Variants in PLXDC2 observed in about 807,000 individuals in gnomAD.
PLXDC2 encodes plexin domain-containing protein 2.
Under a neutral mutation model 68.9 loss-of-function variants are expected in PLXDC2, and 40 were observed. The ratio of observed to expected loss-of-function variants is 0.58; its 90% CI spans 0.45 to 0.76. The LOEUF is 0.76. PLXDC2 is among the 30% of genes least tolerant of loss of function. PLXDC2 has a pLI of 0.00. For missense variants in PLXDC2, 644 were observed against 661.9 expected (o/e 0.97, Z 0.30); for synonymous variants, 243 against 234.2 (o/e 1.04, Z -0.34).
intron 4 of PLXDC2, among the ~76,000 whole-genome samples, chr10:20,115,272 A>G (rs1833606985): frequency 6.6e-6 from 1 of 152,188 alleles, no homozygotes; most frequent in African/African-American, 2.4e-5. Flanking sequence ...GGTATTTGCA[A>G]CCTTGACTCA....
At chr10:20,068,296 A>G in intron 4 of PLXDC2, 57 bp downstream of exon 4, 5 of 1,367,884 alleles carry the variant, frequency 3.7e-6, no homozygotes, top group South Asian at 1.2e-5. Flanking sequence ...TGCAGTTATT[A>G]TTTTTAAGTT....
Position 19,967,651 on chromosome 10 carries a change from A to G in PLXDC2, c.113-34124A>G, listed in dbSNP as rs373426951. Among the ~76,000 whole-genome samples the G allele has an allele frequency of 1.4e-4, 22 of 152,362 alleles. No individual in the cohort carries two copies. In the East Asian group the frequency reaches 2.7e-3, roughly 19 times the overall value. ...TTAAAATCAGCTGAAGATTCCAGGT[A>G]CAAATGAGCGATGTTACAGCATACT... is the stretch of plus-strand genomic sequence containing the variant. On this transcript the variant is annotated intron_variant, in intron 1 of 13. Coordinates refer to ENST00000377252, the MANE Select transcript of PLXDC2 (RefSeq NM_032812.9).
intron 9 of PLXDC2, among the ~76,000 whole-genome samples, chr10:20,200,667 C>T (rs924313635): frequency 5.9e-5 from 9 of 152,062 alleles, no homozygotes; most frequent in African/African-American, 1.2e-4. Flanking sequence ...GAAACTCAAA[C>T]ATCCGAACAG....
chr10:20,189,476 C>CATATATATATATAT (rs59999548), intron 9 of PLXDC2, among the ~76,000 whole-genome samples: 3,530 of 75,336 alleles, frequency 0.047, 135 homozygotes, highest in East Asian at 0.061. Context: ...AAAGGTAGGC[C>CATATATATATATAT]ATATATATAT....
At position 20,208,436 on chromosome 10, in the gene PLXDC2, A is replaced by G. The variant is rs1244650838; in HGVS notation, c.1062-3233A>G. Reference sequence around the variant, plus strand: ...TGGGGGAAACTGCCCCTATGATTAGATTATCTCCCACTGGGTCCCTCCCAC... The same window carrying G: ...TGGGGGAAACTGCCCCTATGATTAGGTTATCTCCCACTGGGTCCCTCCCAC... On this transcript the variant is annotated intron_variant, in intron 9 of 13. Coordinates refer to ENST00000377252, the MANE Select transcript of PLXDC2 (RefSeq NM_032812.9). Among the ~76,000 whole-genome samples, 4 of 142,430 alleles carry G rather than the reference A, an allele frequency of 2.8e-5. 1 individual carries two copies. The highest frequency in any genetic ancestry group is 2.0e-4 in the Admixed American group (3 of 14,640). The allele number at this position is 142,430 out of a possible 152,430, so 93.4% of individuals were successfully genotyped here.
intron 1 of PLXDC2, among the ~76,000 whole-genome samples, chr10:19,965,804 G>T (rs11011706): frequency 0.091 from 13,858 of 151,822 alleles, 683 homozygotes; most frequent in East Asian, 0.13. Context: ...CTCTGGCATG[G>T]CCTCAAACAG....
intron 12 of PLXDC2, among the ~76,000 whole-genome samples, chr10:20,231,956 G>C (rs1455395053): frequency 6.6e-6 from 1 of 151,018 alleles, no homozygotes. Flanking sequence ...AGACTGACTT[G>C]ATCACCTCAC....
intron 4 of PLXDC2, among the ~76,000 whole-genome samples, chr10:20,080,005 A>G (rs756229171): frequency 1.3e-5 from 2 of 152,228 alleles, no homozygotes; most frequent in Non-Finnish European, 2.9e-5. Context: ...TAAAACACAT[A>G]TGACAGTGAA....
intron 4 of PLXDC2, among the ~76,000 whole-genome samples, chr10:20,095,862 AGATGAGAT>A (rs1833342555): frequency 6.6e-6 from 1 of 152,214 alleles, no homozygotes; most frequent in Non-Finnish European, 1.5e-5. Context: ...ATGTTTCTGA[AGATGAGAT>A]GACTTATTAA....
At chr10:19,834,349 G>C (rs1007028939) in intron 1 of PLXDC2, among the ~76,000 whole-genome samples, 6 of 149,980 alleles carry the variant, frequency 4.0e-5, no homozygotes, top group Non-Finnish European at 5.9e-5. Flanking sequence ...GAGAGAGAGA[G>C]AGAGAGTGTG....
chr10:19,916,890 C>T (rs1833377566), intron 1 of PLXDC2, among the ~76,000 whole-genome samples: 1 of 152,098 alleles, frequency 6.6e-6, no homozygotes, highest in African/African-American at 2.4e-5. Flanking sequence ...AGCAAAATTC[C>T]ATGTGTATGC....
At chr10:20,136,780 C>T (rs2131782278) in intron 4 of PLXDC2, among the ~76,000 whole-genome samples, 1 of 152,316 alleles carries the variant, frequency 6.6e-6, no homozygotes, top group Middle Eastern at 3.4e-3. Flanking sequence ...TCCAACCTTT[C>T]CTTTTGGGTC....
intron 1 of PLXDC2, among the ~76,000 whole-genome samples, chr10:19,827,425 C>T (rs1836593586): frequency 1.3e-5 from 2 of 152,162 alleles, no homozygotes; most frequent in Admixed American, 1.3e-4. Flanking sequence ...CTTTTGATTG[C>T]AATCTTATGA....
At chr10:19,832,952 G>C (rs1431845428) in intron 1 of PLXDC2, among the ~76,000 whole-genome samples, 3 of 152,122 alleles carry the variant, frequency 2.0e-5, no homozygotes. Context: ...ATTAACTCTC[G>C]AACCTCCATT....
In PLXDC2 at chr10:19,936,723, T is replaced by C. The variant is rs547019054; in HGVS notation, c.113-65052T>C. On this transcript the variant is annotated intron_variant, in intron 1 of 13. Coordinates refer to ENST00000377252, the MANE Select transcript of PLXDC2 (RefSeq NM_032812.9). Reference sequence around the variant, plus strand: ...GGTGGAGTATTTACGCCAAGGAAATTGTCAAATGTCACAAATTATGTGCCT... The same window carrying C: ...GGTGGAGTATTTACGCCAAGGAAATCGTCAAATGTCACAAATTATGTGCCT... 2.2e-3 allele frequency among the ~76,000 whole-genome samples: 334 copies of C among 152,300 alleles called. 3 individuals carry two copies. Among genetic ancestry groups the C allele is most frequent in the Non-Finnish European group, 3.5e-3 (241 of 68,028 alleles).
chr10:20,159,706 T>C (rs1834265905), intron 6 of PLXDC2, among the ~76,000 whole-genome samples: 1 of 152,188 alleles, frequency 6.6e-6, no homozygotes, highest in Non-Finnish European at 1.5e-5. Flanking sequence ...CCACCTCCCA[T>C]CACCTTTGAC....
At chr10:19,899,325 A>C (rs1249337229) in intron 1 of PLXDC2, among the ~76,000 whole-genome samples, 4 of 152,184 alleles carry the variant, frequency 2.6e-5, no homozygotes, top group Admixed American at 6.5e-5. Flanking sequence ...AGTTATCATA[A>C]GGTCCGATTT....
intron 1 of PLXDC2, among the ~76,000 whole-genome samples, chr10:19,823,050 G>A (rs1449028429): frequency 2.1e-4 from 32 of 151,842 alleles, no homozygotes; most frequent in African/African-American, 5.8e-4. Context: ...CAAGTAGCTG[G>A]GACTACAGGC....
intron 1 of PLXDC2, among the ~76,000 whole-genome samples, chr10:19,937,541 A>ACTGT (rs2131394836): frequency 1.6e-5 from 1 of 63,638 alleles, no homozygotes; most frequent in Non-Finnish European, 2.8e-5. Context: ...CATTATAGTC[A>ACTGT]ATGTATATAT....
Sources: gnomAD v4.1 joint callset for allele counts (sites outside exome capture counted in the v4.1 genomes callset) on GRCh38, gnomAD v4.1.1 for gene constraint, MANE v1.5 for transcripts, NCBI Gene and HGNC (gene_info 2026-07-23, HGNC 2026-07-21) for gene names.